GTPBP10: variants seen among roughly 807,000 people sequenced by gnomAD.
GTPBP10 encodes GTP binding protein 10, also known as GTP-binding protein 10.
A neutral mutation model predicts 44.8 loss-of-function variants in GTPBP10; 38 were observed. The observed-to-expected ratio is 0.85, with a 90% CI of 0.65 to 1.11. GTPBP10 has a LOEUF of 1.11. Ranked by LOEUF, GTPBP10 falls within the 50% of genes most tolerant of loss-of-function variation. The probability of loss-of-function intolerance (pLI) is 0.00; values close to 1 mark genes in which losing one functional copy is unlikely to be tolerated. For missense variants in GTPBP10, 462 were observed against 453.7 expected, an observed-to-expected ratio of 1.02 and a Z score of -0.17; for synonymous variants, 152 against 150.6, an observed-to-expected ratio of 1.01 and a Z score of -0.07.
intron 4 of GTPBP10, among the ~76,000 whole-genome samples, chr7:90,359,444 A>T (rs1795970394): frequency 6.6e-6 from 1 of 152,290 alleles, no homozygotes; most frequent in South Asian, 2.1e-4. Flanking sequence ...TTCCAGCTTC[A>T]TCCATGTCCC....
chr7:90,382,924 A>G (rs199581539), intron 8 of GTPBP10, 32 bp from the exon 9 acceptor site: 103 of 1,441,974 alleles, frequency 7.1e-5, no homozygotes, highest in Non-Finnish European at 9.3e-6. Context: ...AACCAGTACT[A>G]AAATTATTGG....
At chr7:90,361,393 T>C (rs1277640887) in intron 4 of GTPBP10, among the ~76,000 whole-genome samples, 1 of 132,324 alleles carries the variant, frequency 7.6e-6, no homozygotes, top group Non-Finnish European at 1.6e-5. Flanking sequence ...GAGATAATCA[T>C]GTGGTTTTTG....
In GTPBP10 at chr7:90,378,207, C is replaced by G. The variant is rs747466592; in HGVS notation, c.773C>G (p.Thr258Arg). 8.7e-6 allele frequency: 14 copies of G among 1,611,384 alleles called. No homozygotes were observed. The highest frequency in any genetic ancestry group is 1.0e-5 in the Non-Finnish European group (12 of 1,178,324). Residue 258 changes from threonine to arginine, a missense_variant, in exon 8 of 10, where the codon ACA (threonine) becomes AGA (arginine). Physicochemically the swap from Thr to Arg is moderately conservative, Grantham distance 71 (BLOSUM62 -1). Coordinates refer to ENST00000222511, the MANE Select transcript of GTPBP10 (RefSeq NM_033107.4). Reference protein sequence around the residue: ...RTAFETIILLTKELELYKEEL... With the variant: ...RTAFETIILLRKELELYKEEL... ...GCTTTTGAAACCATAATACTGCTTA[C>G]AAAAGTAGGTTTTCTGTTTTACTGT...
chr7:90,365,545 T>A (rs963595950), intron 4 of GTPBP10, among the ~76,000 whole-genome samples: 26 of 151,190 alleles, frequency 1.7e-4, no homozygotes, highest in Non-Finnish European at 3.2e-4. Context: ...CCGGCTAATT[T>A]TTTTGTATTT....
intron 2 of GTPBP10, among the ~76,000 whole-genome samples, chr7:90,353,516 A>C (rs1160440778): frequency 6.6e-6 from 1 of 152,216 alleles, no homozygotes; most frequent in African/African-American, 2.4e-5. Flanking sequence ...TTCACATGTC[A>C]AAATTATTCA....
At chr7:90,356,720 A>G (rs1795908430) in intron 4 of GTPBP10, among the ~76,000 whole-genome samples, 4 of 151,990 alleles carry the variant, frequency 2.6e-5, no homozygotes, top group Middle Eastern at 3.4e-3. Flanking sequence ...TTAATAGTGT[A>G]TGGAGATAAG....
At chr7:90,352,141 G>A (rs1433261907) in intron 1 of GTPBP10, among the ~76,000 whole-genome samples, 1 of 152,244 alleles carries the variant, frequency 6.6e-6, no homozygotes, top group Non-Finnish European at 1.5e-5. Context: ...CTCATGTGGT[G>A]CAGGTACTAG....
intron 4 of GTPBP10, among the ~76,000 whole-genome samples, chr7:90,365,368 C>CTTTTTTTTTTTTT (rs59645149): frequency 3.3e-5 from 3 of 90,362 alleles, no homozygotes; most frequent in African/African-American, 9.0e-5. Flanking sequence ...TTGGGGTTTT[C>CTTTTTTTTTTTTT]TTTTTTTTTT....
At chr7:90,363,808 A>G (rs1427446566) in intron 4 of GTPBP10, among the ~76,000 whole-genome samples, 10 of 152,218 alleles carry the variant, frequency 6.6e-5, no homozygotes, top group Middle Eastern at 3.4e-3. Context: ...ACATAGTCCC[A>G]TATTTCTTGG....
At chr7:90,363,868 G>T (rs138451884) in intron 4 of GTPBP10, among the ~76,000 whole-genome samples, 1 of 45,106 alleles carries the variant, frequency 2.2e-5, no homozygotes, top group South Asian at 1.0e-3. Flanking sequence ...TTCTCTTCTT[G>T]CTTCATTTCA....
At chr7:90,380,952 A>T (rs1201230574) in intron 8 of GTPBP10, among the ~76,000 whole-genome samples, 1 of 152,114 alleles carries the variant, frequency 6.6e-6, no homozygotes, top group Non-Finnish European at 1.5e-5. Flanking sequence ...CCATGTTGTT[A>T]TAAACGACAA....
In GTPBP10 at chr7:90,389,446, A is replaced by G. The variant is rs1158441054; in HGVS notation, c.*4292A>G. ...TCTCTTGCCAGGCTGGAGTGCAGTG[A>G]CATTATCTTGGCTCACTGCAGCCTC... On this transcript the variant is annotated 3_prime_UTR_variant, in exon 10 of 10. Transcript: ENST00000222511. 1 of 151,574 alleles carries G rather than the reference A, an allele frequency of 6.6e-6. No individual in the cohort carries two copies. Among genetic ancestry groups the G allele is most frequent in the Admixed American group, 6.6e-5 (1 of 15,214 alleles). The allele number at this position is 151,574 out of a possible 1,614,324, so 9.4% of individuals were successfully genotyped here. A position where few individuals can be genotyped will look rare whatever the true frequency, so the allele number is the denominator to read the frequency against.
At chr7:90,348,290 A>G (rs17863987) in intron 1 of GTPBP10, among the ~76,000 whole-genome samples, 2,882 of 152,292 alleles carry the variant, frequency 0.019, 32 homozygotes, top group Middle Eastern at 0.034. Context: ...CTTCAAGAAC[A>G]TGGGGGTTAG....
intron 4 of GTPBP10, among the ~76,000 whole-genome samples, chr7:90,365,051 G>A (rs989728057): frequency 2.0e-5 from 3 of 152,182 alleles, no homozygotes; most frequent in African/African-American, 7.2e-5. Flanking sequence ...GCTAGGAAAG[G>A]GAATTCCCTG....
chr7:90,355,109 A>G lies in GTPBP10; in HGVS notation c.343A>G (p.Arg115Gly). Residue 115 changes from arginine (R) to glycine (G), a missense_variant, in exon 4 of 10, where the codon AGA becomes GGA. Coordinates refer to ENST00000222511, the MANE Select transcript of GTPBP10 (RefSeq NM_033107.4). ...AGGAGAACTCAATAAAGAAAATGACAGAATTTTGGTAGCTCAAGGAGGTCT... is the reference window on the plus strand; with the variant it reads ...AGGAGAACTCAATAAAGAAAATGACGGAATTTTGGTAGCTCAAGGAGGTCT... Reference protein sequence around the residue: ...IIGELNKENDRILVAQGGLGG... With the variant: ...IIGELNKENDGILVAQGGLGG... 1.3e-6 allele frequency: 2 copies of G among 1,590,820 alleles called. No homozygotes were observed. The highest frequency in any genetic ancestry group is 1.7e-6 in the Non-Finnish European group (2 of 1,163,352).
intron 4 of GTPBP10, 134 bp downstream of exon 4, chr7:90,355,364 A>G: frequency 1.9e-6 from 1 of 523,980 alleles, no homozygotes; most frequent in Non-Finnish European, 3.3e-6. Context: ...TGTACTTGGA[A>G]AATATGCTGC....
intron 1 of GTPBP10, among the ~76,000 whole-genome samples, chr7:90,348,934 G>T (rs773252009): frequency 1.7e-4 from 26 of 152,168 alleles, no homozygotes; most frequent in Non-Finnish European, 3.1e-4. Flanking sequence ...ATCTGGCACT[G>T]GATCTGAAGC....
chr7:90,346,807 A>C (rs1403073003), intron 1 of GTPBP10, 33 bp downstream of exon 1: 1 of 1,605,162 alleles, frequency 6.2e-7, no homozygotes, highest in Non-Finnish European at 8.5e-7. Flanking sequence ...TGGTCCCCTT[A>C]GCGCTGACAG....
chr7:90,385,012 A>G lies in GTPBP10; in HGVS notation c.1022A>G (p.Lys341Arg), dbSNP rs1445997985. The part of the protein sequence containing the change: ...GIEELKNCIR[K>R]SLDEQANQEN... ...GAAGAATTAAAGAATTGTATAAGAA[A>G]GTCACTGGATGAACAGGCCAACCAG... Residue 341 changes from lysine (K) to arginine (R), a missense_variant, in exon 10 of 10, where the codon AAG becomes AGG. Physicochemically the swap from Lys to Arg is conservative, Grantham distance 26. Transcript: ENST00000222511. The G allele has an allele frequency of 1.9e-6, 3 of 1,613,924 alleles. No homozygotes were observed. The African/African-American group carries it at 4.0e-5, about 22-fold the overall frequency.
Sources: allele counts gnomAD v4.1 joint callset (sites outside exome capture counted in the v4.1 genomes callset), GRCh38; gene constraint gnomAD v4.1.1; transcripts MANE v1.5; gene names NCBI Gene and HGNC (gene_info 2026-07-23, HGNC 2026-07-21).